MAF: variants seen among roughly 807,000 people sequenced by gnomAD.
The protein encoded by MAF is transcription factor Maf.
A neutral mutation model predicts 22.0 loss-of-function variants in MAF; 10 were observed. The ratio of observed to expected loss-of-function variants is 0.45; its 90% CI spans 0.28 to 0.77. The LOEUF (loss-of-function observed/expected upper bound fraction) is 0.77, where lower values mean the gene tolerates loss of function less well. Ranked by LOEUF, MAF falls within the 30% of genes least tolerant of loss-of-function variation. The pLI, the probability that MAF is intolerant of heterozygous loss-of-function variation, is 0.12. For synonymous variants in MAF, 337 were observed against 255.8 expected, an observed-to-expected ratio of 1.32 and a Z score of -3.03; for missense variants, 544 against 548.4, an observed-to-expected ratio of 0.99 and a Z score of 0.08.
the MAF span, among the ~76,000 whole-genome samples, chr16:79,311,024 T>TC: frequency 6.6e-6 from 1 of 151,536 alleles, no homozygotes; most frequent in Admixed American, 6.6e-5. Flanking sequence ...TTTCATTTTT[T>TC]TTTTTTTTTC....
the MAF span, among the ~76,000 whole-genome samples, chr16:79,525,375 G>A: frequency 6.6e-6 from 1 of 152,198 alleles, no homozygotes; most frequent in Admixed American, 6.6e-5. Context: ...TCTGTCCACG[G>A]CCATGCGCTC....
At chr16:79,499,783 T>C in the MAF span, among the ~76,000 whole-genome samples, 1 of 152,198 alleles carries the variant, frequency 6.6e-6, no homozygotes, top group African/African-American at 2.4e-5. Context: ...ACCCAATATT[T>C]TGTTTCAGTA....
chr16:79,426,705 T>G, the MAF span, among the ~76,000 whole-genome samples: 2 of 152,320 alleles, frequency 1.3e-5, no homozygotes, highest in East Asian at 3.9e-4. Context: ...CAGAGATTGA[T>G]TCACAGAAGG....
At chr16:79,369,946 C>T in the MAF span, among the ~76,000 whole-genome samples, 10 of 152,240 alleles carry the variant, frequency 6.6e-5, no homozygotes, top group African/African-American at 2.4e-4. Context: ...CCACAGAGGG[C>T]CTCTCCCAAC....
chr16:79,261,090 C>T, the MAF span, among the ~76,000 whole-genome samples: 17 of 152,018 alleles, frequency 1.1e-4, no homozygotes, highest in East Asian at 5.8e-4. Context: ...CTGGCTGGAC[C>T]GGGAGCAGGT....
At chr16:79,470,744 C>A in the MAF span, among the ~76,000 whole-genome samples, 2 of 152,112 alleles carry the variant, frequency 1.3e-5, no homozygotes, top group African/African-American at 4.8e-5. Flanking sequence ...GATGCTGGGG[C>A]CATAGAAGGC....
chr16:79,432,838 G>A, the MAF span, among the ~76,000 whole-genome samples: 5 of 152,188 alleles, frequency 3.3e-5, no homozygotes, highest in African/African-American at 4.8e-5. Context: ...CCAACTACCA[G>A]AAGCTGGGAA....
chr16:79,302,539 G>A, the MAF span, among the ~76,000 whole-genome samples: 4 of 152,182 alleles, frequency 2.6e-5, no homozygotes, highest in African/African-American at 4.8e-5. Context: ...CAGCACTCTC[G>A]TTCTCCCTTC....
the MAF span, among the ~76,000 whole-genome samples, chr16:79,543,975 C>A: frequency 6.6e-6 from 1 of 151,272 alleles, no homozygotes; most frequent in African/African-American, 2.4e-5. Flanking sequence ...CGTGAACCAC[C>A]GCACCTGGCC....
chr16:79,362,500 G>C, the MAF span, among the ~76,000 whole-genome samples: 2 of 152,136 alleles, frequency 1.3e-5, no homozygotes, highest in South Asian at 2.1e-4. Context: ...AAAGCTCTCA[G>C]CACATTAAAG....
chr16:79,425,133 T>A, the MAF span, among the ~76,000 whole-genome samples: 1 of 152,226 alleles, frequency 6.6e-6, no homozygotes, highest in Admixed American at 6.5e-5. Context: ...TATTCTGTTA[T>A]GATCTATTTA....
the MAF span, among the ~76,000 whole-genome samples, chr16:79,542,491 C>G: frequency 1.3e-5 from 2 of 152,182 alleles, no homozygotes; most frequent in Non-Finnish European, 2.9e-5. Context: ...TCAAATCACA[C>G]TACCCCCAGC....
chr16:79,483,479 C>A, the MAF span, among the ~76,000 whole-genome samples: 1 of 149,558 alleles, frequency 6.7e-6, no homozygotes, highest in East Asian at 2.0e-4. Flanking sequence ...GTGGACAGGC[C>A]CGGAGGGGAA....
At chr16:79,336,988 T>G in the MAF span, among the ~76,000 whole-genome samples, 2 of 152,232 alleles carry the variant, frequency 1.3e-5, no homozygotes, top group Admixed American at 1.3e-4. Flanking sequence ...TGGTGTATAC[T>G]GCAGACTACT....
At chr16:79,401,254 T>C in the MAF span, among the ~76,000 whole-genome samples, 1 of 152,190 alleles carries the variant, frequency 6.6e-6, no homozygotes, top group Non-Finnish European at 1.5e-5. Context: ...CCAAACTACC[T>C]GTGGTGGTTA....
the MAF span, among the ~76,000 whole-genome samples, chr16:79,365,224 G>C: frequency 6.6e-6 from 1 of 152,120 alleles, no homozygotes; most frequent in Non-Finnish European, 1.5e-5. Context: ...ATTTTCTTTG[G>C]TAAGTTTGCT....
At chr16:79,326,580 G>A in the MAF span, among the ~76,000 whole-genome samples, 1 of 152,178 alleles carries the variant, frequency 6.6e-6, no homozygotes, top group East Asian at 1.9e-4. Flanking sequence ...GGCAGGGCTT[G>A]GAAAACTTGT....
chr16:79,284,956 A>G, the MAF span, among the ~76,000 whole-genome samples: 1 of 152,202 alleles, frequency 6.6e-6, no homozygotes, highest in Non-Finnish European at 1.5e-5. Flanking sequence ...CTCTCTTTAC[A>G]GATTGCAGAT....
the MAF span, among the ~76,000 whole-genome samples, chr16:79,513,278 C>G: frequency 9.9e-5 from 15 of 152,212 alleles, no homozygotes; most frequent in African/African-American, 2.9e-4. Context: ...TTTACAGCCA[C>G]AGAAACATGA....
Sources: allele counts gnomAD v4.1 joint callset (sites outside exome capture counted in the v4.1 genomes callset), GRCh38; gene constraint gnomAD v4.1.1; transcripts MANE v1.5; gene names NCBI Gene and HGNC (gene_info 2026-07-23, HGNC 2026-07-21).